ARID4B: variants seen among roughly 807,000 people sequenced by gnomAD.
ARID4B encodes the protein AT-rich interaction domain 4B.
Under a neutral mutation model 147.5 loss-of-function variants are expected in ARID4B, and 26 were observed. The observed-to-expected ratio is 0.18, with a 90% CI of 0.13 to 0.24. The LOEUF is 0.24. Ranked by LOEUF, ARID4B falls within the 10% of genes least tolerant of loss-of-function variation. The pLI is 1.00. For missense variants in ARID4B, 1,179 were observed against 1,511.5 expected (o/e 0.78, Z 3.65); for synonymous variants, 512 against 507.9 (o/e 1.01, Z -0.11).
chr1:235,267,489 G>A (rs139501804), intron 2 of ARID4B, among the ~76,000 whole-genome samples: 1 of 152,086 alleles, frequency 6.6e-6, no homozygotes, highest in Admixed American at 6.6e-5. Flanking sequence ...AGCTTAAAAT[G>A]CACAATTTGG....
chr1:235,250,813 A>G (rs1271177918), intron 6 of ARID4B, among the ~76,000 whole-genome samples: 3 of 152,212 alleles, frequency 2.0e-5, no homozygotes, highest in South Asian at 2.1e-4. Flanking sequence ...CCACTTGTTC[A>G]TATTACCTTC....
At chr1:235,275,111 A>C (rs1237559235) in intron 2 of ARID4B, among the ~76,000 whole-genome samples, 12 of 152,208 alleles carry the variant, frequency 7.9e-5, no homozygotes, top group African/African-American at 2.9e-4. Context: ...AATAAGGACA[A>C]ACTATCTTAC....
intron 2 of ARID4B, among the ~76,000 whole-genome samples, chr1:235,295,461 G>A (rs890309672): frequency 6.7e-6 from 1 of 150,192 alleles, no homozygotes; most frequent in Non-Finnish European, 1.5e-5. Flanking sequence ...AGTGAGCCGA[G>A]ATCATGCCAC....
chr1:235,246,281 G>A, intron 7 of ARID4B, 139 bp downstream of exon 7: 1 of 673,618 alleles, frequency 1.5e-6, no homozygotes, highest in Non-Finnish European at 2.6e-6. Flanking sequence ...ATGCTGAGGA[G>A]TCTGAAATTA....
chr1:235,240,796 CAAATT>C (rs1263019724), intron 7 of ARID4B, among the ~76,000 whole-genome samples: 1 of 152,096 alleles, frequency 6.6e-6, no homozygotes, highest in African/African-American at 2.4e-5. Context: ...ATCCCAATCT[CAAATT>C]AAAGGAATTC....
At chr1:235,173,760 AAAAAAAAAAAAATATATATATATATAT>A (rs1325732694) in intron 22 of ARID4B, among the ~76,000 whole-genome samples, 3 of 52,812 alleles carry the variant, frequency 5.7e-5, no homozygotes, top group African/African-American at 3.1e-4. Flanking sequence ...AAAAAAAAAA[AAAAAAAAAAAAATATATATATATATAT>A]ATATATATAT....
At chr1:235,260,454 T>G (rs983340629) in intron 3 of ARID4B, among the ~76,000 whole-genome samples, 188 bp downstream of exon 3, 1 of 152,226 alleles carries the variant, frequency 6.6e-6, no homozygotes, top group Non-Finnish European at 1.5e-5. Context: ...AAATACCAAC[T>G]GTGATAATCT....
At chr1:235,261,314 GTT>G (rs986960027) in intron 2 of ARID4B, among the ~76,000 whole-genome samples, 2 of 152,168 alleles carry the variant, frequency 1.3e-5, no homozygotes, top group African/African-American at 4.8e-5. Flanking sequence ...GAGCCCAGGA[GTT>G]TGAGACCACC....
chr1:235,211,460 G>A (rs1482873962), intron 17 of ARID4B, among the ~76,000 whole-genome samples: 5 of 151,962 alleles, frequency 3.3e-5, no homozygotes, highest in Admixed American at 1.3e-4. Context: ...AGGCCAAGAG[G>A]AAAAACTGCC....
chr1:235,216,328 C>CAT (rs1667075009), intron 16 of ARID4B, among the ~76,000 whole-genome samples: 1 of 148,720 alleles, frequency 6.7e-6, no homozygotes, highest in Admixed American at 6.7e-5. Context: ...CACACACACA[C>CAT]ACACATATAT....
chr1:235,268,083 G>C (rs976107322), intron 2 of ARID4B, among the ~76,000 whole-genome samples: 1 of 152,124 alleles, frequency 6.6e-6, no homozygotes, highest in Non-Finnish European at 1.5e-5. Context: ...AGGCCTGGGG[G>C]AACCACATGG....
At chr1:235,181,107 T>C (rs921349019) in intron 20 of ARID4B, 29 of 1,020,108 alleles carry the variant, frequency 2.8e-5, no homozygotes, top group African/African-American at 8.5e-5. Flanking sequence ...TTTGACACGG[T>C]TGTCTGAGGA....
intron 2 of ARID4B, among the ~76,000 whole-genome samples, chr1:235,324,930 G>A (rs1181483785): frequency 1.3e-5 from 2 of 152,018 alleles, no homozygotes; most frequent in African/African-American, 2.4e-5. Flanking sequence ...AAAAAAGAAC[G>A]AAAGAAATTG....
chr1:235,260,532 C>T, intron 3 of ARID4B, 110 bp downstream of exon 3: 1 of 677,774 alleles, frequency 1.5e-6, no homozygotes, highest in South Asian at 2.6e-5. Context: ...TTTTTACAAC[C>T]TTCACTCCTA....
At chr1:235,255,524 G>A (rs1266184723) in intron 5 of ARID4B, 136 bp downstream of exon 5, 1 of 549,366 alleles carries the variant, frequency 1.8e-6, no homozygotes, top group Non-Finnish European at 3.1e-6. Context: ...TTTAAAAGAT[G>A]TGGAAAGATA....
chr1:235,179,525 CAAAAAAAAA>C (rs61143006), intron 20 of ARID4B, among the ~76,000 whole-genome samples: 6 of 48,360 alleles, frequency 1.2e-4, no homozygotes, highest in Admixed American at 2.8e-4. Flanking sequence ...CTCTATGTCT[CAAAAAAAAA>C]AAAAAAAAAA....
At chr1:235,215,154 T>C (rs976047191) in intron 16 of ARID4B, among the ~76,000 whole-genome samples, 3 of 152,126 alleles carry the variant, frequency 2.0e-5, no homozygotes, top group Non-Finnish European at 4.4e-5. Context: ...CTTACACCCA[T>C]TTTTATCTTC....
chr1:235,169,687 G>C (rs1158001969), intron 23 of ARID4B, among the ~76,000 whole-genome samples: 1 of 151,072 alleles, frequency 6.6e-6, no homozygotes, highest in Non-Finnish European at 1.5e-5. Flanking sequence ...TTGAGATGGG[G>C]GTCTTGCTCT....
At chr1:235,272,892 A>G (rs1328683250) in intron 2 of ARID4B, among the ~76,000 whole-genome samples, 1 of 152,178 alleles carries the variant, frequency 6.6e-6, no homozygotes, top group Non-Finnish European at 1.5e-5. Flanking sequence ...TAGTGACAGA[A>G]GCAGTTCAAG....
Sources: allele counts gnomAD v4.1 joint callset (sites outside exome capture counted in the v4.1 genomes callset), GRCh38; gene constraint gnomAD v4.1.1; transcripts MANE v1.5; gene names NCBI Gene and HGNC (gene_info 2026-07-23, HGNC 2026-07-21).